Variants in MAML3 observed in about 807,000 individuals in gnomAD.
MAML3 encodes the protein mastermind like transcriptional coactivator 3.
In MAML3, 27 loss-of-function variants were observed where a neutral mutation model predicts 101.9. That is an observed-to-expected ratio of 0.27 (90% confidence interval 0.20 to 0.37). The LOEUF is 0.37. MAML3 is among the 10% of genes least tolerant of loss of function. The pLI, the probability that MAML3 is intolerant of heterozygous loss-of-function variation, is 1.00. For synonymous variants in MAML3, 501 were observed against 555.9 expected (o/e 0.90, Z 1.39); for missense variants, 1,316 against 1,444.9 (o/e 0.91, Z 1.45).
chr4:139,755,262 T>C (rs571155061), intron 2 of MAML3, among the ~76,000 whole-genome samples: 99 of 152,312 alleles, frequency 6.5e-4, no homozygotes, highest in Non-Finnish European at 1.1e-3. Context: ...GAAAGCCTGC[T>C]CCTTATTTGG....
intron 1 of MAML3, among the ~76,000 whole-genome samples, chr4:140,070,759 T>A (rs555454544): frequency 1.2e-3 from 182 of 152,344 alleles, no homozygotes; most frequent in African/African-American, 4.2e-3. Flanking sequence ...AACTTCTTCA[T>A]ACTTTAGCTT....
chr4:139,844,809 A>G (rs1165937674), intron 2 of MAML3, among the ~76,000 whole-genome samples: 4 of 152,222 alleles, frequency 2.6e-5, no homozygotes, highest in Non-Finnish European at 5.9e-5. Flanking sequence ...GACTGCAGAG[A>G]GCCTGGGGAC....
intron 1 of MAML3, among the ~76,000 whole-genome samples, chr4:140,115,370 C>G (rs1188048147): frequency 6.6e-6 from 1 of 152,136 alleles, no homozygotes; most frequent in Non-Finnish European, 1.5e-5. Context: ...AAAACTATGG[C>G]TAGAAAGAAA....
Position 140,090,616 on chromosome 4 carries a change from T to G in MAML3, c.468+62244A>C, listed in dbSNP as rs528649916. On this transcript the variant is annotated intron_variant, in intron 1 of 4. Transcript: ENST00000509479. ...TGGCCCGTGGGTGGCGGAGTCAGAA[T>G]GCAAACCTAGACAGTCTAACTCTTA... Among the ~76,000 whole-genome samples, 48 of 152,342 alleles carry G rather than the reference T, an allele frequency of 3.2e-4. 1 individual carries two copies. Among genetic ancestry groups the G allele is most frequent in the African/African-American group, 1.1e-3 (45 of 41,578 alleles).
chr4:139,993,461 T>C (rs1280864891), intron 1 of MAML3, among the ~76,000 whole-genome samples: 1 of 103,830 alleles, frequency 9.6e-6, no homozygotes, highest in Non-Finnish European at 2.0e-5. Flanking sequence ...TTTCTCCCAG[T>C]ATGGTTCTTT....
chr4:139,744,370 C>G (rs911626027), intron 2 of MAML3, among the ~76,000 whole-genome samples: 3 of 152,096 alleles, frequency 2.0e-5, no homozygotes, highest in Non-Finnish European at 4.4e-5. Context: ...ACAAATAAAA[C>G]AAATAAGCAA....
intron 2 of MAML3, among the ~76,000 whole-genome samples, chr4:139,881,080 C>T (rs893915029): frequency 3.3e-5 from 5 of 152,250 alleles, no homozygotes; most frequent in African/African-American, 9.6e-5. Context: ...AGCTAAACAA[C>T]GCTGTGAAGA....
chr4:139,815,210 G>T (rs1170239936), intron 2 of MAML3, among the ~76,000 whole-genome samples: 1 of 152,162 alleles, frequency 6.6e-6, no homozygotes. Context: ...AACATGGATG[G>T]TTTGTAAATT....
intron 1 of MAML3, among the ~76,000 whole-genome samples, chr4:139,912,007 T>C (rs1338886163): frequency 6.6e-6 from 1 of 152,260 alleles, no homozygotes; most frequent in Non-Finnish European, 1.5e-5. Context: ...ATGCTAGTAA[T>C]GCATGTGGGT....
At chr4:139,835,688 C>A (rs945202436) in intron 2 of MAML3, among the ~76,000 whole-genome samples, 43 of 152,282 alleles carry the variant, frequency 2.8e-4, no homozygotes, top group African/African-American at 1.0e-3. Context: ...AAATGAGTAA[C>A]TAGGTAGGGT....
chr4:140,154,121 G>GCCGCCGCCT lies in MAML3; in HGVS notation c.-803_-795dup, dbSNP rs1729226580. 2 of 181,992 alleles carry GCCGCCGCCT rather than the reference G, an allele frequency of 1.1e-5. No individual in the cohort carries two copies. The highest frequency in any genetic ancestry group is 6.1e-5 in the Admixed American group (1 of 16,338). 11.3% of individuals were successfully genotyped at this position (181,992 alleles called of 1,614,324 possible). A position where few individuals can be genotyped will look rare whatever the true frequency, so the allele number is the denominator to read the frequency against. On this transcript the variant is annotated 5_prime_UTR_variant, in exon 1 of 5. Coordinates refer to ENST00000509479, the MANE Select transcript of MAML3 (RefSeq NM_018717.5). Reference sequence around the variant, plus strand: ...TGATCAACTGCTCGCCGCCGCCGCCGCCGCCGCCTCCTCCTCCTCCTCTCG... The same window carrying GCCGCCGCCT: ...TGATCAACTGCTCGCCGCCGCCGCCGCCGCCGCCTCCGCCGCCTCCTCCTCCTCCTCTCG...
At chr4:140,109,739 AT>A (rs1235130903) in intron 1 of MAML3, among the ~76,000 whole-genome samples, 1 of 152,068 alleles carries the variant, frequency 6.6e-6, no homozygotes. Flanking sequence ...CCTCTAACAT[AT>A]TTTCACTTAG....
intron 1 of MAML3, among the ~76,000 whole-genome samples, chr4:140,051,875 C>T (rs929384761): frequency 6.6e-6 from 1 of 152,112 alleles, no homozygotes; most frequent in African/African-American, 2.4e-5. Context: ...AACCAGGCTT[C>T]CTGATTTAAA....
Position 139,717,035 on chromosome 4 carries a change from C to T in MAML3, c.*2288G>A, listed in dbSNP as rs758800956. 1 of 152,420 alleles carries T rather than the reference C, an allele frequency of 6.6e-6. No homozygotes were observed. The highest frequency in any genetic ancestry group is 1.9e-4 in the East Asian group (1 of 5,196). 9.4% of individuals were successfully genotyped at this position (152,420 alleles called of 1,614,324 possible). Reference sequence around the variant, plus strand: ...ATAAAAATACTCTATTTTAAACAAACAGTATATATATATTTATATGTATAT... The same window carrying T: ...ATAAAAATACTCTATTTTAAACAAATAGTATATATATATTTATATGTATAT... On this transcript the variant is annotated 3_prime_UTR_variant, in exon 5 of 5. Transcript: ENST00000509479.
intron 4 of MAML3, among the ~76,000 whole-genome samples, chr4:139,721,064 A>G (rs1037037049): frequency 2.6e-5 from 4 of 152,242 alleles, no homozygotes; most frequent in Admixed American, 6.5e-5. Context: ...CTAGAAAAAG[A>G]AATCATCCTG....
intron 1 of MAML3, among the ~76,000 whole-genome samples, chr4:140,116,543 G>C (rs1490502974): frequency 1.3e-5 from 2 of 152,214 alleles, no homozygotes; most frequent in Non-Finnish European, 2.9e-5. Flanking sequence ...GGAGCCAACT[G>C]CCTGGATTCA....
intron 2 of MAML3, among the ~76,000 whole-genome samples, chr4:139,847,861 T>C (rs910906640): frequency 6.6e-6 from 1 of 152,232 alleles, no homozygotes; most frequent in African/African-American, 2.4e-5. Flanking sequence ...ACCAGAAATC[T>C]ACATGGGACT....
At chr4:140,092,088 G>GTATATA (rs371237469) in intron 1 of MAML3, among the ~76,000 whole-genome samples, 1,372 of 75,722 alleles carry the variant, frequency 0.018, 9 homozygotes, top group Non-Finnish European at 0.025. Context: ...ATATATATAC[G>GTATATA]TATATATATA....
At chr4:140,013,936 A>G (rs1726603937) in intron 1 of MAML3, among the ~76,000 whole-genome samples, 1 of 152,232 alleles carries the variant, frequency 6.6e-6, no homozygotes, top group African/African-American at 2.4e-5. Context: ...TCTGATAGGA[A>G]TGCGGTGTGG....
Sources: gnomAD v4.1 joint callset for allele counts (sites outside exome capture counted in the v4.1 genomes callset) on GRCh38, gnomAD v4.1.1 for gene constraint, MANE v1.5 for transcripts, NCBI Gene and HGNC (gene_info 2026-07-23, HGNC 2026-07-21) for gene names.